Variants in TASP1 observed in about 807,000 individuals in gnomAD.
The protein encoded by TASP1 is threonine aspartase 1.
Under a neutral mutation model 56.6 loss-of-function variants are expected in TASP1, and 16 were observed. The observed-to-expected ratio is 0.28, with a 90% CI of 0.19 to 0.43. The LOEUF is 0.43. TASP1 is among the 20% of genes least tolerant of loss of function. The pLI, the probability that TASP1 is intolerant of heterozygous loss-of-function variation, is 1.00. For synonymous variants in TASP1, 179 were observed against 184.2 expected, an observed-to-expected ratio of 0.97 and a Z score of 0.23; for missense variants, 393 against 511.6, an observed-to-expected ratio of 0.77 and a Z score of 2.24.
the TASP1 span, among the ~76,000 whole-genome samples, chr20:13,210,616 C>CGTGTGTGTGTGTGTGT: frequency 3.2e-3 from 468 of 147,496 alleles, no homozygotes; most frequent in African/African-American, 0.011. Flanking sequence ...CATGTGCACA[C>CGTGTGTGTGTGTGTGT]GTGTGTGTGT....
the TASP1 span, among the ~76,000 whole-genome samples, chr20:13,108,994 A>T: frequency 6.6e-6 from 1 of 152,228 alleles, no homozygotes. Context: ...AATGCAAAAA[A>T]TACACAGTAC....
At chr20:13,208,943 A>C in the TASP1 span, among the ~76,000 whole-genome samples, 2 of 152,204 alleles carry the variant, frequency 1.3e-5, no homozygotes, top group Admixed American at 6.5e-5. Flanking sequence ...GTAGTTACTG[A>C]CACACGTGGA....
the TASP1 span, among the ~76,000 whole-genome samples, chr20:13,108,815 G>A: frequency 6.6e-6 from 1 of 152,104 alleles, no homozygotes; most frequent in African/African-American, 2.4e-5. Context: ...ATTTAGCTTT[G>A]CTAGATGTCA....
the TASP1 span, among the ~76,000 whole-genome samples, chr20:13,220,965 C>G: frequency 6.6e-6 from 1 of 152,174 alleles, no homozygotes; most frequent in African/African-American, 2.4e-5. Context: ...GCAGCGGGCA[C>G]TTGGTACAGC....
chr20:13,255,599 G>A, the TASP1 span, among the ~76,000 whole-genome samples: 1 of 152,134 alleles, frequency 6.6e-6, no homozygotes, highest in African/African-American at 2.4e-5. Flanking sequence ...GGGAAGGAAA[G>A]ACTTTGCAGG....
chr20:13,293,110 G>A, the TASP1 span, among the ~76,000 whole-genome samples: 10 of 151,072 alleles, frequency 6.6e-5, no homozygotes, highest in Non-Finnish European at 1.5e-4. Flanking sequence ...TGAGGCAGGA[G>A]AATGGTGTGA....
At chr20:13,299,289 G>T in the TASP1 span, 1 of 1,612,748 alleles carries the variant, frequency 6.2e-7, no homozygotes, top group Non-Finnish European at 8.5e-7. The surrounding 1 kb of genome is among the most constrained non-coding windows in gnomAD (Gnocchi z 5.8). Flanking sequence ...CATCAGCACC[G>T]AGTTCTCCGC....
intron 8 of TASP1, among the ~76,000 whole-genome samples, chr20:13,534,625 T>TA (rs1386615393): frequency 6.6e-6 from 1 of 152,208 alleles, no homozygotes; most frequent in African/African-American, 2.4e-5. Context: ...TTTACAATCT[T>TA]AAAGTATACC....
the TASP1 span, among the ~76,000 whole-genome samples, chr20:13,234,627 A>AT: frequency 6.6e-6 from 1 of 152,120 alleles, no homozygotes; most frequent in African/African-American, 2.4e-5. Context: ...TTGCTTTTAG[A>AT]TTTTTTAACA....
chr20:13,576,718 T>C (rs2046940834), intron 6 of TASP1, among the ~76,000 whole-genome samples: 2 of 152,180 alleles, frequency 1.3e-5, no homozygotes, highest in Admixed American at 6.5e-5. Flanking sequence ...AAACAAATTC[T>C]AAAATTCATA....
chr20:13,429,930 T>C (rs2042748068), intron 12 of TASP1, among the ~76,000 whole-genome samples: 1 of 152,092 alleles, frequency 6.6e-6, no homozygotes, highest in African/African-American at 2.4e-5. Flanking sequence ...CCCATGGCTA[T>C]GTTCTCTGGG....
chr20:13,142,905 C>T, the TASP1 span, among the ~76,000 whole-genome samples: 14 of 151,516 alleles, frequency 9.2e-5, no homozygotes, highest in African/African-American at 2.0e-4. Context: ...TCAAATACCC[C>T]GCCTCTCTCT....
chr20:13,190,982 G>A, the TASP1 span, among the ~76,000 whole-genome samples: 156 of 152,050 alleles, frequency 1.0e-3, no homozygotes, highest in African/African-American at 3.7e-3. Context: ...ATGGCCAAAA[G>A]GTGGATGAAA....
chr20:13,395,696 T>A (rs6109852), intron 13 of TASP1, among the ~76,000 whole-genome samples: 1,653 of 151,364 alleles, frequency 0.011, 40 homozygotes, highest in African/African-American at 0.037. Flanking sequence ...CAGCTTTCTT[T>A]TTTTTTTTTT....
At chr20:13,299,367 G>A in the TASP1 span, 10 of 1,613,794 alleles carry the variant, frequency 6.2e-6, no homozygotes, top group South Asian at 6.6e-5. This position sits in a 1 kb window ranked among gnomAD's most constrained non-coding sequence, Gnocchi z 5.8. Context: ...CAGGTATAAC[G>A]AGGCCCGGCC....
chr20:13,580,775 C>A, intron 6 of TASP1, 122 bp downstream of exon 6: 1 of 901,474 alleles, frequency 1.1e-6, no homozygotes, highest in Non-Finnish European at 1.8e-6. Context: ...GTTCCAAGAT[C>A]ACGGAACAAA....
intron 6 of TASP1, among the ~76,000 whole-genome samples, chr20:13,573,152 C>T (rs141263076): frequency 2.6e-5 from 4 of 152,272 alleles, no homozygotes; most frequent in African/African-American, 9.6e-5. Flanking sequence ...TAACACATAA[C>T]AACCAAATTA....
At chr20:13,537,041 C>T (rs2045444278) in intron 8 of TASP1, among the ~76,000 whole-genome samples, 1 of 151,952 alleles carries the variant, frequency 6.6e-6, no homozygotes, top group South Asian at 2.1e-4. Flanking sequence ...CTGATACTAC[C>T]CATGCATTCT....
the TASP1 span, among the ~76,000 whole-genome samples, chr20:13,264,374 C>G: frequency 2.0e-5 from 3 of 152,178 alleles, no homozygotes; most frequent in Non-Finnish European, 4.4e-5. Flanking sequence ...TCTTCAGATT[C>G]CAGTCCTTGG....
Sources: gnomAD v4.1 joint callset for allele counts (sites outside exome capture counted in the v4.1 genomes callset) on GRCh38, gnomAD v4.1.1 for gene constraint, Gnocchi (gnomAD v3.1) non-coding constraint, MANE v1.5 for transcripts, NCBI Gene and HGNC (gene_info 2026-07-23, HGNC 2026-07-21) for gene names.